The following RNF145 variants were observed in gnomAD, a reference collection of about 807,000 sequenced individuals.
RNF145 encodes the protein ring finger protein 145.
Under a neutral mutation model 57.3 loss-of-function variants are expected in RNF145, and 12 were observed. The observed-to-expected ratio is 0.21, with a 90% CI of 0.13 to 0.34. RNF145 has a LOEUF of 0.34. Among genes scored for constraint, RNF145 ranks in the 10% least tolerant of loss-of-function variants. The pLI is 1.00. For synonymous variants in RNF145, 262 were observed against 288.3 expected, an observed-to-expected ratio of 0.91 and a Z score of 0.92; for missense variants, 429 against 799.0, an observed-to-expected ratio of 0.54 and a Z score of 5.58.
At chr5:159,179,755 T>C (rs911462288) in intron 4 of RNF145, among the ~76,000 whole-genome samples, 2 of 152,104 alleles carry the variant, frequency 1.3e-5, no homozygotes, top group Non-Finnish European at 2.9e-5. Flanking sequence ...TAAAGCAACA[T>C]TATTTTTGTC....
chr5:159,191,878 G>C (rs183332794), intron 3 of RNF145, among the ~76,000 whole-genome samples: 13 of 152,102 alleles, frequency 8.5e-5, no homozygotes, highest in Admixed American at 8.5e-4. Flanking sequence ...AAGCCACAAG[G>C]GTGGTCAGAA....
At chr5:159,194,848 T>C in intron 2 of RNF145, 24 bp from the exon 3 acceptor site, 1 of 1,455,478 alleles carries the variant, frequency 6.9e-7, no homozygotes, top group Non-Finnish European at 9.4e-7. Context: ...ATAAATAAAA[T>C]ACAATTTTAA....
intron 8 of RNF145, among the ~76,000 whole-genome samples, chr5:159,167,633 A>C (rs1584667430): frequency 2.0e-5 from 3 of 152,228 alleles, no homozygotes; most frequent in Admixed American, 1.3e-4. Flanking sequence ...AGATCTACTA[A>C]GTGGCTATTT....
chr5:159,188,148 C>G (rs1355306708), intron 3 of RNF145, among the ~76,000 whole-genome samples: 2 of 152,038 alleles, frequency 1.3e-5, no homozygotes, highest in African/African-American at 4.8e-5. Context: ...TTTGGAAGGC[C>G]AAGGCGGGCG....
At chr5:159,187,349 A>C (rs7732603) in intron 3 of RNF145, among the ~76,000 whole-genome samples, 67,033 of 151,124 alleles carry the variant, frequency 0.44, 17,747 homozygotes, top group African/African-American at 0.73. Flanking sequence ...TTTTTTTTTG[A>C]GATAGTCTCA....
At chr5:159,184,156 T>A (rs1403831116) in intron 3 of RNF145, among the ~76,000 whole-genome samples, 2 of 152,226 alleles carry the variant, frequency 1.3e-5, no homozygotes, top group African/African-American at 4.8e-5. Context: ...TTTGGTTTTG[T>A]CACATATTAT....
chr5:159,204,479 T>C (rs1785795359), intron 1 of RNF145, among the ~76,000 whole-genome samples: 1 of 151,808 alleles, frequency 6.6e-6, no homozygotes, highest in African/African-American at 2.4e-5. Context: ...CTTTATATGG[T>C]AGAACTTCAA....
chr5:159,172,886 A>G (rs923191611), intron 6 of RNF145, among the ~76,000 whole-genome samples: 9 of 152,194 alleles, frequency 5.9e-5, no homozygotes, highest in Non-Finnish European at 1.3e-4. Flanking sequence ...TTATCTACCT[A>G]TATTTACTTT....
chr5:159,158,729 C>T lies in RNF145; in HGVS notation c.1933G>A (p.Asp645Asn). 2 of 1,613,978 alleles carry T rather than the reference C, an allele frequency of 1.2e-6. No individual in the cohort carries two copies. Among genetic ancestry groups the T allele is most frequent in the East Asian group, 4.5e-5 (2 of 44,892 alleles). The change falls in exon 11 of 11, where the codon GAC (aspartate) becomes AAC (asparagine). Residue 645 changes from aspartate to asparagine, a missense_variant. Asp to Asn is a conservative substitution (Grantham distance 23, BLOSUM62 1). Coordinates refer to ENST00000424310, the MANE Select transcript of RNF145 (RefSeq NM_001199383.2). ...GCACTGTGAGGATATTCTTTGGGGTCAAAAGCCCCTTCCTGGTTATCTGGT... is the reference window on the plus strand; with the variant it reads ...GCACTGTGAGGATATTCTTTGGGGTTAAAAGCCCCTTCCTGGTTATCTGGT... ...RRPDNQEGAFDPKEYPHSAKD... is the reference protein window; with the variant it reads ...RRPDNQEGAFNPKEYPHSAKD...
At chr5:159,174,424 T>C (rs1185901416) in intron 5 of RNF145, among the ~76,000 whole-genome samples, 1 of 152,172 alleles carries the variant, frequency 6.6e-6, no homozygotes, top group Non-Finnish European at 1.5e-5. Context: ...AAGGTCAAAA[T>C]AAGGTCATAT....
chr5:159,198,061 A>C (rs1403933269), intron 2 of RNF145, among the ~76,000 whole-genome samples: 2 of 151,922 alleles, frequency 1.3e-5, no homozygotes, highest in African/African-American at 4.8e-5. Flanking sequence ...GTAACACGGC[A>C]AATTCCTGTC....
rs576418319 is a variant in RNF145 at position 159,201,057 on chromosome 5, C to A, written c.184+2377G>T. Among the ~76,000 whole-genome samples, 4 of 152,264 alleles carry A rather than the reference C, an allele frequency of 2.6e-5. No individual in the cohort carries two copies. In the East Asian group the frequency reaches 7.7e-4, roughly 29 times the overall value. On this transcript the variant is annotated intron_variant, in intron 2 of 10. Transcript: ENST00000424310. ...CTATGGAAAGTACTATCTGTCAACA[C>A]TACAAATATATATAAGTTAACCCTT...
chr5:159,189,590 C>T lies in RNF145; in HGVS notation c.293+5126G>A, dbSNP rs545670942. 7.0e-4 allele frequency among the ~76,000 whole-genome samples: 107 copies of T among 152,272 alleles called. 1 individual carries two copies. The highest frequency in any genetic ancestry group is 2.4e-3 in the African/African-American group (98 of 41,566). On this transcript the variant is annotated intron_variant, in intron 3 of 10. Transcript: ENST00000424310. ...ACCACATGATTCAGCAATTCCACTC[C>T]GAGGTATTTGTCCAAGGAAAATAAA... is the stretch of plus-strand genomic sequence containing the variant.
In RNF145 at chr5:159,208,225, G is replaced by C. The variant is rs896442873; in HGVS notation, c.-40+1006C>G. ...CGCAGCAGCAGTAGCAGCAGCAACC[G>C]GGCCGCCGCCGCCGCGGGGCTAAGA... On this transcript the variant is annotated intron_variant, in intron 1 of 10. Transcript: ENST00000424310. 2.7e-5 allele frequency: 33 copies of C among 1,214,556 alleles called. No homozygotes were observed. In the African/African-American group the frequency reaches 3.4e-4, roughly 12 times the overall value. The allele number at this position is 1,214,556 out of a possible 1,614,324, so 75.2% of individuals were successfully genotyped here. A position where few individuals can be genotyped will look rare whatever the true frequency, so the allele number is the denominator to read the frequency against.
chr5:159,166,314 C>T (rs552991654), intron 8 of RNF145, among the ~76,000 whole-genome samples: 1 of 152,274 alleles, frequency 6.6e-6, no homozygotes, highest in South Asian at 2.1e-4. Flanking sequence ...ATATTTTCTT[C>T]CAGTTTGTAA....
At chr5:159,166,873 C>T (rs1030462586) in intron 8 of RNF145, among the ~76,000 whole-genome samples, 8 of 152,072 alleles carry the variant, frequency 5.3e-5, no homozygotes, top group African/African-American at 1.7e-4. Context: ...ACATGTGTCC[C>T]AGCTCCACAG....
chr5:159,190,742 AT>A (rs1488831693), intron 3 of RNF145, among the ~76,000 whole-genome samples: 1 of 150,870 alleles, frequency 6.6e-6, no homozygotes, highest in Non-Finnish European at 1.5e-5. Flanking sequence ...CTGAACCATT[AT>A]TTTTTTAAAA....
chr5:159,171,781 C>T (rs1784568357), intron 6 of RNF145, among the ~76,000 whole-genome samples: 3 of 151,938 alleles, frequency 2.0e-5, no homozygotes, highest in Admixed American at 6.6e-5. Flanking sequence ...ATAAACATTA[C>T]CAGGCACACA....
chr5:159,175,837 G>C (rs889301809), intron 5 of RNF145, among the ~76,000 whole-genome samples: 10 of 152,274 alleles, frequency 6.6e-5, no homozygotes, highest in African/African-American at 2.4e-4. Context: ...GTACCTTAAG[G>C]ACACAGTCAA....
Sources: gnomAD v4.1 joint callset for allele counts (sites outside exome capture counted in the v4.1 genomes callset) on GRCh38, gnomAD v4.1.1 for gene constraint, MANE v1.5 for transcripts, NCBI Gene and HGNC (gene_info 2026-07-23, HGNC 2026-07-21) for gene names.